Variants in KIF13A observed in about 807,000 individuals in gnomAD.
The protein encoded by KIF13A is kinesin-like protein KIF13A.
Under a neutral mutation model 212.2 loss-of-function variants are expected in KIF13A, and 79 were observed. The observed-to-expected ratio is 0.37, with a 90% confidence interval of 0.31 to 0.45. The LOEUF is 0.45. Ranked by LOEUF, KIF13A falls within the 20% of genes least tolerant of loss-of-function variation. The pLI is 1.00. For missense variants in KIF13A, 1,901 were observed against 2,209.0 expected (o/e 0.86, Z 2.79); for synonymous variants, 789 against 808.6 (o/e 0.98, Z 0.41).
intron 2 of KIF13A, among the ~76,000 whole-genome samples, chr6:17,902,502 G>T (rs1336873375): frequency 6.6e-6 from 1 of 152,082 alleles, no homozygotes; most frequent in Non-Finnish European, 1.5e-5. Flanking sequence ...TCTCTTCCAG[G>T]ACAAGCAGTT....
Position 17,851,949 on chromosome 6 carries a change from A to T in KIF13A, c.582+6T>A. 1 of 1,459,910 alleles carries T rather than the reference A, an allele frequency of 6.8e-7. No homozygotes were observed. The highest frequency in any genetic ancestry group is 1.4e-5 in the South Asian group (1 of 71,166). The allele number at this position is 1,459,910 out of a possible 1,614,324, so 90.4% of individuals were successfully genotyped here. A position where few individuals can be genotyped will look rare whatever the true frequency, so the allele number is the denominator to read the frequency against. On this transcript the variant is annotated splice_donor_region_variant and intron_variant, in intron 7 of 38. Transcript: ENST00000259711. ...TTTTAATCACATTTTAAAAAAAATG[A>T]CTTACCTCAAAACTAGTGACAGCTA...
At chr6:17,788,140 C>T (rs1427806114) in intron 26 of KIF13A, among the ~76,000 whole-genome samples, 1 of 152,042 alleles carries the variant, frequency 6.6e-6, no homozygotes, top group Non-Finnish European at 1.5e-5. Context: ...CAAACTATAC[C>T]AGCTGTCAGA....
chr6:17,759,624 C>T (rs915397644), downstream of KIF13A: 2 of 152,118 alleles, frequency 1.3e-5, no homozygotes, highest in African/African-American at 4.8e-5. Flanking sequence ...ACACATAATC[C>T]TTCAATGTCT....
At chr6:17,966,601 C>T (rs987099300) in intron 2 of KIF13A, among the ~76,000 whole-genome samples, 3 of 151,794 alleles carry the variant, frequency 2.0e-5, no homozygotes, top group African/African-American at 7.3e-5. Flanking sequence ...TCTCCTAGAT[C>T]TAATCCCAAC....
rs1455720358 is a variant in KIF13A at position 17,826,686 on chromosome 6, A to C, written c.1533-562T>G. On this transcript the variant is annotated intron_variant, in intron 14 of 38. Transcript: ENST00000259711. This position sits in a 1 kb window ranked among gnomAD's most constrained non-coding sequence, Gnocchi z 4.7. ...TACTATAAAACAATGGTAGGATCTT[A>C]TCTGGATCCTAATTTCAAGAAACAA... Among the ~76,000 whole-genome samples the C allele has an allele frequency of 2.0e-5, 3 of 152,210 alleles. No individual in the cohort carries two copies. Among genetic ancestry groups the C allele is most frequent in the Non-Finnish European group, 4.4e-5 (3 of 68,034 alleles).
At chr6:17,909,788 G>A (rs1773870176) in intron 2 of KIF13A, among the ~76,000 whole-genome samples, 2 of 152,112 alleles carry the variant, frequency 1.3e-5, no homozygotes, top group Non-Finnish European at 2.9e-5. Flanking sequence ...CAGCTACTTG[G>A]GAGGCTGAGG....
intron 2 of KIF13A, among the ~76,000 whole-genome samples, chr6:17,949,572 A>G (rs1416426041): frequency 6.6e-6 from 1 of 152,156 alleles, no homozygotes; most frequent in Non-Finnish European, 1.5e-5. Flanking sequence ...AAAGAAAAAC[A>G]TACTTCTAAA....
chr6:17,862,691 G>C (rs1768921653), intron 4 of KIF13A, among the ~76,000 whole-genome samples: 1 of 152,150 alleles, frequency 6.6e-6, no homozygotes, highest in Admixed American at 6.5e-5. Flanking sequence ...GTTCATACCT[G>C]TAATCCCAGC....
chr6:17,864,085 G>A (rs114492203), intron 4 of KIF13A, among the ~76,000 whole-genome samples: 2,170 of 152,288 alleles, frequency 0.014, 21 homozygotes, highest in Non-Finnish European at 0.025. Context: ...ACGAAGGTTC[G>A]TTAAGTCCCG....
intron 23 of KIF13A, among the ~76,000 whole-genome samples, chr6:17,795,596 C>A (rs80017696): frequency 3.6e-4 from 47 of 132,242 alleles, no homozygotes; most frequent in South Asian, 4.9e-4. Context: ...GACTCCATCT[C>A]AAAAAAAAAA....
intron 2 of KIF13A, among the ~76,000 whole-genome samples, chr6:17,945,812 T>C (rs1458654325): frequency 6.6e-6 from 1 of 152,156 alleles, no homozygotes; most frequent in Admixed American, 6.6e-5. Flanking sequence ...TACTGCAGTG[T>C]GGCACTGCCT....
intron 20 of KIF13A, among the ~76,000 whole-genome samples, chr6:17,801,421 G>A (rs1762465422): frequency 6.6e-6 from 1 of 152,120 alleles, no homozygotes; most frequent in African/African-American, 2.4e-5. Flanking sequence ...AGGACTGCTT[G>A]AACCCGCGAG....
At chr6:17,779,251 ATATATATTTTTTTTTTTTTTTTTTTTT>A (rs1247635091) in intron 32 of KIF13A, among the ~76,000 whole-genome samples, 152 bp from the exon 33 acceptor site, 2 of 9,290 alleles carry the variant, frequency 2.2e-4, no homozygotes, top group African/African-American at 9.9e-4. Context: ...ATATATATAT[ATATATATTTTTTTTTTTTTTTTTTTTT>A]TTTTTTTTTT....
In KIF13A at chr6:17,811,090, A is replaced by G. The variant is rs563551766; in HGVS notation, c.2001-2160T>C. ...TCTGTTCATGCCAATCTGCCCACCC[A>G]AAATGTCCTTCTTACTTTCTCTCTG... On this transcript the variant is annotated intron_variant, in intron 17 of 38. Coordinates refer to ENST00000259711, the MANE Select transcript of KIF13A (RefSeq NM_022113.6). The surrounding 1 kb of genome is among the most constrained non-coding windows in gnomAD (Gnocchi z 6.0). Among the ~76,000 whole-genome samples, 8 of 152,282 alleles carry G rather than the reference A, an allele frequency of 5.3e-5. No homozygotes were observed. Among genetic ancestry groups the G allele is most frequent in the African/African-American group, 1.9e-4 (8 of 41,552 alleles).
At position 17,849,565 on chromosome 6, in the gene KIF13A, C is replaced by T. The variant is rs916134721; in HGVS notation, c.718-76G>A. 2.9e-6 allele frequency: 3 copies of T among 1,034,096 alleles called. No homozygotes were observed. Among genetic ancestry groups the T allele is most frequent in the African/African-American group, 1.6e-5 (1 of 62,238 alleles). The allele number at this position is 1,034,096 out of a possible 1,614,324, so 64.1% of individuals were successfully genotyped here. A position where few individuals can be genotyped will look rare whatever the true frequency, so the allele number is the denominator to read the frequency against. ...ATGGATATCTACATATATGTTAGCA[C>T]TATAATTGAGCAATCCATCCCACTC... On this transcript the variant is annotated intron_variant, in intron 8 of 38. Transcript: ENST00000259711. The surrounding 1 kb of genome is among the most constrained non-coding windows in gnomAD (Gnocchi z 5.7).
In KIF13A at chr6:17,826,632, C is replaced by T. The variant is rs1764981330; in HGVS notation, c.1533-508G>A. The stretch of plus-strand genomic sequence containing the variant: ...ACACACAGAAGAGAGGAAGAGGAAA[C>T]CCATTTGTTAAAAGAGATCTAAGAG... On this transcript the variant is annotated intron_variant, in intron 14 of 38. Coordinates refer to ENST00000259711, the MANE Select transcript of KIF13A (RefSeq NM_022113.6). The surrounding 1 kb of genome is among the most constrained non-coding windows in gnomAD (Gnocchi z 4.7). 6.6e-6 allele frequency among the ~76,000 whole-genome samples: 1 copy of T among 151,914 alleles called. No individual in the cohort carries two copies. Among genetic ancestry groups the T allele is most frequent in the African/African-American group, 2.4e-5 (1 of 41,356 alleles).
At chr6:17,870,519 T>C (rs1242695343) in intron 4 of KIF13A, among the ~76,000 whole-genome samples, 2 of 152,062 alleles carry the variant, frequency 1.3e-5, no homozygotes, top group Non-Finnish European at 2.9e-5. Context: ...TAGAGTGTTC[T>C]CTGTGGGCAA....
At position 17,961,776 on chromosome 6, in the gene KIF13A, G is replaced by A. The variant is rs911225426; in HGVS notation, c.146+25278C>T. On this transcript the variant is annotated intron_variant, in intron 2 of 38. Transcript: ENST00000259711. This position sits in a 1 kb window ranked among gnomAD's most constrained non-coding sequence, Gnocchi z 4.1. Reference sequence around the variant, plus strand: ...GATGTCCACCTCCAGCAACGACATAGACTGCAGCGCACACCAGGCGTCTTA... The same window carrying A: ...GATGTCCACCTCCAGCAACGACATAAACTGCAGCGCACACCAGGCGTCTTA... Among the ~76,000 whole-genome samples the A allele has an allele frequency of 6.6e-6, 1 of 152,188 alleles. No homozygotes were observed. The highest frequency in any genetic ancestry group is 2.4e-5 in the African/African-American group (1 of 41,442).
Position 17,858,908 on chromosome 6 carries a change from C to T in KIF13A, c.221-2786G>A, listed in dbSNP as rs564855067. ...TCATATTTAGTAACTTGAAAAAAAGCCCAACAGCTTGAGTTGATGAAAGGA... is the reference window on the plus strand; with the variant it reads ...TCATATTTAGTAACTTGAAAAAAAGTCCAACAGCTTGAGTTGATGAAAGGA... On this transcript the variant is annotated intron_variant, in intron 4 of 38. Transcript: ENST00000259711. 1.1e-4 allele frequency among the ~76,000 whole-genome samples: 16 copies of T among 150,716 alleles called. No homozygotes were observed. In the East Asian group the frequency reaches 2.9e-3, roughly 27 times the overall value.
Sources: allele counts gnomAD v4.1 joint callset (sites outside exome capture counted in the v4.1 genomes callset), GRCh38; gene constraint gnomAD v4.1.1; non-coding constraint Gnocchi (gnomAD v3.1); transcripts MANE v1.5; gene names NCBI Gene and HGNC (gene_info 2026-07-23, HGNC 2026-07-21).